Variants in MARCHF11 observed in about 807,000 individuals in gnomAD.
MARCHF11 encodes the protein membrane associated ring-CH-type finger 11.
MARCHF11 carries 29 observed loss-of-function variants against 37.3 expected under a neutral mutation model. The ratio of observed to expected loss-of-function variants is 0.78; its 90% CI spans 0.58 to 1.06. The LOEUF is 1.06. Ranked by LOEUF, MARCHF11 falls within the 50% of genes least tolerant of loss-of-function variation. The pLI is 0.00. For synonymous variants in MARCHF11, 233 were observed against 228.0 expected, an observed-to-expected ratio of 1.02 and a Z score of -0.20; for missense variants, 482 against 533.4, an observed-to-expected ratio of 0.90 and a Z score of 0.95.
intron 2 of MARCHF11, among the ~76,000 whole-genome samples, chr5:16,175,241 C>G (rs919622281): frequency 1.2e-4 from 19 of 152,238 alleles, no homozygotes; most frequent in Admixed American, 1.1e-3. Flanking sequence ...CTTAACAGAT[C>G]ATAAATGACA....
chr5:16,105,049 T>A (rs965384488), intron 2 of MARCHF11, among the ~76,000 whole-genome samples: 3 of 152,184 alleles, frequency 2.0e-5, no homozygotes, highest in African/African-American at 7.2e-5. Context: ...GTAAGGCAAA[T>A]CCCCTAGCCC....
At chr5:16,090,209 G>A (rs1215653460) in intron 3 of MARCHF11, among the ~76,000 whole-genome samples, 2 of 152,076 alleles carry the variant, frequency 1.3e-5, no homozygotes, top group Non-Finnish European at 2.9e-5. Context: ...CCTCACACAC[G>A]CCACATAAAT....
In MARCHF11 at chr5:16,128,551, C is replaced by T. The variant is rs186426776; in HGVS notation, c.694-37470G>A. 2.0e-3 allele frequency among the ~76,000 whole-genome samples: 303 copies of T among 152,266 alleles called. 4 individuals are homozygous for T. The South Asian group carries it at 0.036, about 18-fold the overall frequency. On this transcript the variant is annotated intron_variant, in intron 2 of 3. Coordinates refer to ENST00000332432, the MANE Select transcript of MARCHF11 (RefSeq NM_001102562.3). ...GATCAGGGTCCCACTAAAAGAAGGA[C>T]GGGCAAGAACCAGGGAAATAGAATT... is the stretch of plus-strand genomic sequence containing the variant.
chr5:16,105,891 C>G (rs1465510392), intron 2 of MARCHF11, among the ~76,000 whole-genome samples: 2 of 152,132 alleles, frequency 1.3e-5, no homozygotes, highest in Admixed American at 1.3e-4. Context: ...AATAGTCAAA[C>G]AGTGACTTGC....
intron 2 of MARCHF11, among the ~76,000 whole-genome samples, chr5:16,136,818 AAG>A (rs1737617789): frequency 6.6e-6 from 1 of 152,198 alleles, no homozygotes; most frequent in Non-Finnish European, 1.5e-5. Flanking sequence ...TAAAATCAGA[AAG>A]AAAGGATGGA....
chr5:16,089,528 T>C (rs186471385), intron 3 of MARCHF11, among the ~76,000 whole-genome samples: 2 of 152,288 alleles, frequency 1.3e-5, no homozygotes, highest in Middle Eastern at 3.4e-3. Context: ...TTTATTTTTT[T>C]CTTTCTGGCC....
At chr5:16,130,777 G>T (rs772057969) in intron 2 of MARCHF11, among the ~76,000 whole-genome samples, 12 of 152,096 alleles carry the variant, frequency 7.9e-5, no homozygotes, top group Admixed American at 4.6e-4. Context: ...TACTGCCAGG[G>T]ATCAAACCAT....
At chr5:16,075,632 AGG>A (rs1266520394) in intron 3 of MARCHF11, among the ~76,000 whole-genome samples, 1 of 152,112 alleles carries the variant, frequency 6.6e-6, no homozygotes, top group Admixed American at 6.6e-5. Context: ...CTGGGATCTA[AGG>A]GGTCACAAGG....
chr5:16,102,177 G>A (rs1736968167), intron 2 of MARCHF11, among the ~76,000 whole-genome samples: 1 of 152,174 alleles, frequency 6.6e-6, no homozygotes, highest in Non-Finnish European at 1.5e-5. Flanking sequence ...AGATCATAAG[G>A]TGGCTGAGTC....
intron 2 of MARCHF11, among the ~76,000 whole-genome samples, chr5:16,118,092 G>A (rs1737249609): frequency 6.6e-6 from 1 of 152,236 alleles, no homozygotes; most frequent in South Asian, 2.1e-4. Flanking sequence ...GGGGACAGGT[G>A]TGCCTGGCAG....
chr5:16,153,535 G>A (rs1737921715), intron 2 of MARCHF11, among the ~76,000 whole-genome samples: 2 of 151,972 alleles, frequency 1.3e-5, no homozygotes, highest in South Asian at 2.1e-4. Flanking sequence ...TGTAGAAAAG[G>A]TGGAATTCTA....
intron 2 of MARCHF11, among the ~76,000 whole-genome samples, chr5:16,151,927 C>T (rs181747265): frequency 2.5e-3 from 383 of 151,832 alleles, no homozygotes; most frequent in Admixed American, 4.3e-3. Context: ...TCTTTGTCAA[C>T]GCAAGTGTGT....
chr5:16,132,621 G>A (rs1737536715), intron 2 of MARCHF11, among the ~76,000 whole-genome samples: 1 of 152,158 alleles, frequency 6.6e-6, no homozygotes, highest in Non-Finnish European at 1.5e-5. Flanking sequence ...ACAAAGTGCT[G>A]GGGGAACAAA....
At chr5:16,178,988 G>C (rs1560997659) in intron 1 of MARCHF11, 51 bp downstream of exon 1, 1 of 1,366,352 alleles carries the variant, frequency 7.3e-7, no homozygotes, top group Non-Finnish European at 9.4e-7. Flanking sequence ...AAGCTTGACC[G>C]GCGCGAGCTG....
At chr5:16,113,880 CTATCTAACTGTATGTTTGTACCCA>C in intron 2 of MARCHF11, among the ~76,000 whole-genome samples, 1 of 152,262 alleles carries the variant, frequency 6.6e-6, no homozygotes, top group East Asian at 1.9e-4. Flanking sequence ...CTTATTTCTT[CTATCTAACTGTATGTTTGTACCCA>C]AACCTATCTC....
At chr5:16,107,229 G>A (rs754977404) in intron 2 of MARCHF11, among the ~76,000 whole-genome samples, 4 of 152,186 alleles carry the variant, frequency 2.6e-5, no homozygotes, top group African/African-American at 4.8e-5. Flanking sequence ...TATAAAATGT[G>A]CAGGCAAATT....
chr5:16,116,126 C>A lies in MARCHF11; in HGVS notation c.694-25045G>T, dbSNP rs577924359. Among the ~76,000 whole-genome samples the A allele has an allele frequency of 3.3e-5, 5 of 152,274 alleles. No homozygotes were observed. In the South Asian group the frequency reaches 1.0e-3, roughly 32 times the overall value. Reference sequence around the variant, plus strand: ...ATACACTGCAGGTAACAAAGAAAATCATGCTCTTTTTGTTTACCAAATCAC... The same window carrying A: ...ATACACTGCAGGTAACAAAGAAAATAATGCTCTTTTTGTTTACCAAATCAC... On this transcript the variant is annotated intron_variant, in intron 2 of 3. Transcript: ENST00000332432.
chr5:16,081,999 A>G (rs59606743), intron 3 of MARCHF11, among the ~76,000 whole-genome samples: 4,128 of 152,312 alleles, frequency 0.027, 172 homozygotes, highest in African/African-American at 0.094. Context: ...TAGAGACATC[A>G]GTGAACATCA....
At chr5:16,178,729 C>G (rs1738406447) in intron 1 of MARCHF11, among the ~76,000 whole-genome samples, 1 of 152,178 alleles carries the variant, frequency 6.6e-6, no homozygotes, top group Non-Finnish European at 1.5e-5. Context: ...CAAAATCCAT[C>G]GAATAATTCA....
Sources: allele counts gnomAD v4.1 joint callset (sites outside exome capture counted in the v4.1 genomes callset), GRCh38; gene constraint gnomAD v4.1.1; transcripts MANE v1.5; gene names NCBI Gene and HGNC (gene_info 2026-07-23, HGNC 2026-07-21).